Variants in PKHD1 observed in about 807,000 individuals in gnomAD.
PKHD1 encodes the protein PKHD1 ciliary IPT domain containing fibrocystin/polyductin.
PKHD1 carries 291 observed loss-of-function variants against 412.0 expected under a neutral mutation model. That is an observed-to-expected ratio of 0.71 (90% CI 0.64 to 0.78). The LOEUF (loss-of-function observed/expected upper bound fraction) is 0.78, where lower values mean the gene tolerates loss of function less well. Ranked by LOEUF, PKHD1 falls within the 30% of genes least tolerant of loss-of-function variation. The probability of loss-of-function intolerance (pLI) is 0.00; values close to 1 mark genes in which losing one functional copy is unlikely to be tolerated. For synonymous variants in PKHD1, 1,777 were observed against 1,821.5 expected, an observed-to-expected ratio of 0.98 and a Z score of 0.62; for missense variants, 4,825 against 4,950.7, an observed-to-expected ratio of 0.97 and a Z score of 0.76.
At chr6:52,046,614 A>G (rs1805884282) in intron 23 of PKHD1, among the ~76,000 whole-genome samples, 1 of 152,262 alleles carries the variant, frequency 6.6e-6, no homozygotes, top group Non-Finnish European at 1.5e-5. Flanking sequence ...GGAGGCGTAC[A>G]GCAGCTGACA....
At chr6:51,939,789 A>G (rs1278227898) in intron 36 of PKHD1, among the ~76,000 whole-genome samples, 2 of 150,494 alleles carry the variant, frequency 1.3e-5, no homozygotes, top group African/African-American at 2.4e-5. Flanking sequence ...TTCCTTTTCT[A>G]CAGACCCATC....
intron 11 of PKHD1, among the ~76,000 whole-genome samples, chr6:52,067,306 G>A (rs745989014): frequency 3.9e-5 from 6 of 151,906 alleles, no homozygotes; most frequent in East Asian, 3.8e-4. Flanking sequence ...TCAGCTTTAC[G>A]TAGAGATTAA....
chr6:52,005,577 CTTAG>C (rs1301202580), intron 35 of PKHD1, among the ~76,000 whole-genome samples: 6 of 152,164 alleles, frequency 3.9e-5, no homozygotes, highest in Non-Finnish European at 7.3e-5. Flanking sequence ...GTTAATAGAG[CTTAG>C]TTGGCTGCCC....
intron 5 of PKHD1, among the ~76,000 whole-genome samples, chr6:52,078,242 T>C (rs1005021449): frequency 1.3e-5 from 2 of 152,160 alleles, no homozygotes; most frequent in African/African-American, 4.8e-5. Flanking sequence ...GGTACGTTTC[T>C]AAGAGAAACA....
At chr6:52,066,876 C>A (rs748048608) in intron 11 of PKHD1, among the ~76,000 whole-genome samples, 1 of 151,622 alleles carries the variant, frequency 6.6e-6, no homozygotes, top group African/African-American at 2.4e-5. Flanking sequence ...CTCCAGCCTG[C>A]GTGACAGAGC....
At chr6:51,996,092 A>G (rs143929929) in intron 35 of PKHD1, among the ~76,000 whole-genome samples, 1,606 of 143,102 alleles carry the variant, frequency 0.011, 38 homozygotes, top group African/African-American at 0.039. Flanking sequence ...TGCAAGCTCC[A>G]CCTCCTGGGT....
At chr6:51,782,555 T>C (rs1337906766) in intron 53 of PKHD1, among the ~76,000 whole-genome samples, 1 of 152,172 alleles carries the variant, frequency 6.6e-6, no homozygotes, top group African/African-American at 2.4e-5. Context: ...ATCCCTTTTA[T>C]GTCACCTTTT....
In PKHD1 at chr6:51,750,747, G is replaced by T. The variant is rs77515277; in HGVS notation, c.8951-2082C>A. Among the ~76,000 whole-genome samples, 815 of 152,180 alleles carry T rather than the reference G, an allele frequency of 5.4e-3. 21 individuals carry two copies. The South Asian group carries it at 0.074, about 14-fold the overall frequency. On this transcript the variant is annotated intron_variant, in intron 57 of 66. Coordinates refer to ENST00000371117, the MANE Select transcript of PKHD1 (RefSeq NM_138694.4). ...GACTGAAAATTAATCAATTAGTAAA[G>T]ACTTAAAATGTCTTGAGCATTAAAT...
At chr6:51,906,076 T>A (rs1228779419) in intron 41 of PKHD1, 139 bp downstream of exon 41, 6 of 715,740 alleles carry the variant, frequency 8.4e-6, no homozygotes, top group Non-Finnish European at 1.5e-5. Flanking sequence ...AAATTTAGAA[T>A]GTTTTACTGT....
intron 48 of PKHD1, among the ~76,000 whole-genome samples, chr6:51,858,590 G>A (rs1264679986): frequency 6.6e-6 from 1 of 152,068 alleles, no homozygotes; most frequent in East Asian, 1.9e-4. Context: ...AGTTTTTACT[G>A]AGACATATGG....
intron 60 of PKHD1, among the ~76,000 whole-genome samples, chr6:51,733,654 G>C (rs1224235083): frequency 6.6e-6 from 1 of 152,106 alleles, no homozygotes; most frequent in African/African-American, 2.4e-5. Flanking sequence ...TTGGCTGATA[G>C]AAGGAATTTA....
chr6:51,884,286 C>T (rs886699771), intron 45 of PKHD1, among the ~76,000 whole-genome samples: 1 of 152,078 alleles, frequency 6.6e-6, no homozygotes, highest in Non-Finnish European at 1.5e-5. Flanking sequence ...CTATATTTCC[C>T]ACATTGAATG....
At chr6:51,962,539 C>T (rs895914623) in intron 35 of PKHD1, among the ~76,000 whole-genome samples, 4 of 152,098 alleles carry the variant, frequency 2.6e-5, no homozygotes, top group African/African-American at 9.7e-5. Flanking sequence ...TACTTGGTCC[C>T]AACCCAGTAG....
At chr6:51,958,165 T>G (rs1791429911) in intron 36 of PKHD1, among the ~76,000 whole-genome samples, 1 of 152,064 alleles carries the variant, frequency 6.6e-6, no homozygotes, top group African/African-American at 2.4e-5. Context: ...AACTCCTGTA[T>G]CTTATTCGTG....
At chr6:51,901,516 G>C (rs1562575094) in intron 43 of PKHD1, among the ~76,000 whole-genome samples, 1 of 151,800 alleles carries the variant, frequency 6.6e-6, no homozygotes, top group East Asian at 1.9e-4. Context: ...TCTGGGGACT[G>C]TTGTGGGGTG....
intron 65 of PKHD1, among the ~76,000 whole-genome samples, chr6:51,627,368 A>G (rs2150280060): frequency 1.3e-5 from 2 of 152,206 alleles, no homozygotes; most frequent in Non-Finnish European, 2.9e-5. Context: ...TTAAAATGTT[A>G]CTAGTTAAAT....
intron 66 of PKHD1, among the ~76,000 whole-genome samples, chr6:51,621,107 T>A (rs1766558701): frequency 6.6e-6 from 1 of 152,210 alleles, no homozygotes; most frequent in East Asian, 1.9e-4. Context: ...AATACTTGTC[T>A]GGAGTTTCTC....
At chr6:51,719,855 C>T (rs1026167707) in intron 60 of PKHD1, among the ~76,000 whole-genome samples, 3 of 152,150 alleles carry the variant, frequency 2.0e-5, no homozygotes, top group African/African-American at 7.2e-5. Context: ...TTTTTTAGCC[C>T]CAGCACCTAA....
At chr6:51,625,143 G>A (rs1767075488) in intron 66 of PKHD1, among the ~76,000 whole-genome samples, 1 of 152,134 alleles carries the variant, frequency 6.6e-6, no homozygotes, top group South Asian at 2.1e-4. Context: ...TTTATAATCT[G>A]AATCTAGTAG....
Sources: gnomAD v4.1 joint callset for allele counts (sites outside exome capture counted in the v4.1 genomes callset) on GRCh38, gnomAD v4.1.1 for gene constraint, MANE v1.5 for transcripts, NCBI Gene and HGNC (gene_info 2026-07-23, HGNC 2026-07-21) for gene names.